Variants in KLHL2 observed in about 807,000 individuals in gnomAD.
The protein encoded by KLHL2 is kelch like family member 2.
KLHL2 carries 15 observed loss-of-function variants against 75.8 expected under a neutral mutation model. The observed-to-expected ratio is 0.20, with a 90% CI of 0.13 to 0.30. KLHL2 has a LOEUF of 0.30. KLHL2 is among the 10% of genes least tolerant of loss of function. The pLI, the probability that KLHL2 is intolerant of heterozygous loss-of-function variation, is 1.00. For missense variants in KLHL2, 381 were observed against 741.0 expected, an observed-to-expected ratio of 0.51 and a Z score of 5.64; for synonymous variants, 214 against 251.9, an observed-to-expected ratio of 0.85 and a Z score of 1.42.
Position 165,207,768 on chromosome 4 carries a change from G to C in KLHL2, c.-109G>C. ...GTGAGGAGAGCGCGGCGCCCCCTCC[G>C]GGGCGGATGGAACGCGGCTCGGCGG... On this transcript the variant is annotated 5_prime_UTR_variant, in exon 1 of 15. Coordinates refer to ENST00000226725, the MANE Select transcript of KLHL2 (RefSeq NM_007246.4). This position sits in a 1 kb window ranked among gnomAD's most constrained non-coding sequence, Gnocchi z 4.2. 1 of 993,534 alleles carries C rather than the reference G, an allele frequency of 1.0e-6. No individual in the cohort carries two copies. The highest frequency in any genetic ancestry group is 1.8e-5 in the South Asian group (1 of 55,666). 61.5% of individuals were successfully genotyped at this position (993,534 alleles called of 1,614,324 possible).
At chr4:165,225,407 A>T (rs1310251631) in intron 2 of KLHL2, among the ~76,000 whole-genome samples, 2 of 152,212 alleles carry the variant, frequency 1.3e-5, no homozygotes, top group Non-Finnish European at 2.9e-5. Flanking sequence ...TGGTAAGCTC[A>T]CACAGTCCTT....
chr4:165,257,688 C>A (rs922517849), intron 4 of KLHL2, among the ~76,000 whole-genome samples: 11 of 152,108 alleles, frequency 7.2e-5, no homozygotes, highest in African/African-American at 2.7e-4. Flanking sequence ...TCTCAAAGGA[C>A]ATGCACAATT....
chr4:165,264,704 G>GTGTGTATATATACATATATATA (rs1323043527), intron 5 of KLHL2, among the ~76,000 whole-genome samples: 1 of 82,846 alleles, frequency 1.2e-5, no homozygotes, highest in Non-Finnish European at 2.2e-5. Flanking sequence ...GTGTGTGTGT[G>GTGTGTATATATACATATATATA]TATATATATA....
At chr4:165,252,222 A>C (rs1389633944) in intron 4 of KLHL2, among the ~76,000 whole-genome samples, 1 of 138,008 alleles carries the variant, frequency 7.2e-6, no homozygotes, top group Non-Finnish European at 1.6e-5. Flanking sequence ...TCCAGTTCAA[A>C]GTGGATTTTT....
chr4:165,234,344 A>G (rs1023967960), intron 3 of KLHL2, among the ~76,000 whole-genome samples: 4 of 152,244 alleles, frequency 2.6e-5, no homozygotes, highest in African/African-American at 9.6e-5. Context: ...TTTATTAAAC[A>G]TAGCTATAAA....
intron 4 of KLHL2, among the ~76,000 whole-genome samples, chr4:165,256,949 A>C (rs1741226563): frequency 6.6e-6 from 1 of 152,134 alleles, no homozygotes; most frequent in Non-Finnish European, 1.5e-5. Flanking sequence ...GTCATTAAAT[A>C]TTTGTCTACT....
chr4:165,275,691 C>T (rs1743026880), intron 5 of KLHL2, among the ~76,000 whole-genome samples: 2 of 152,192 alleles, frequency 1.3e-5, no homozygotes, highest in African/African-American at 4.8e-5. Flanking sequence ...GTCCTCCTGC[C>T]TTGGCTTCCC....
rs1736928032 is a variant in KLHL2 at position 165,207,812 on chromosome 4, C to T, written c.-65C>T. The T allele has an allele frequency of 7.2e-7, 1 of 1,383,746 alleles. No homozygotes were observed. The highest frequency in any genetic ancestry group is 9.5e-7 in the Non-Finnish European group (1 of 1,049,664). 85.7% of individuals were successfully genotyped at this position (1,383,746 alleles called of 1,614,324 possible). On this transcript the variant is annotated 5_prime_UTR_variant, in exon 1 of 15. Coordinates refer to ENST00000226725, the MANE Select transcript of KLHL2 (RefSeq NM_007246.4). This position sits in a 1 kb window ranked among gnomAD's most constrained non-coding sequence, Gnocchi z 4.2. ...TCGGCGGGCGGGCAGTGCCGGCGTC[C>T]GCGGCTGGAATGGTGCTGGCTGTGT...
At chr4:165,285,380 A>G (rs1389283840) in intron 5 of KLHL2, among the ~76,000 whole-genome samples, 1 of 152,130 alleles carries the variant, frequency 6.6e-6, no homozygotes, top group East Asian at 1.9e-4. Context: ...CAAGATGAAA[A>G]TGTTAGATCT....
At chr4:165,275,339 A>G (rs980552007) in intron 5 of KLHL2, among the ~76,000 whole-genome samples, 1 of 152,132 alleles carries the variant, frequency 6.6e-6, no homozygotes, top group African/African-American at 2.4e-5. Flanking sequence ...CAGGCCAAAA[A>G]TATAGAGGAG....
chr4:165,260,474 G>A (rs1489822182), intron 4 of KLHL2, among the ~76,000 whole-genome samples: 2 of 151,936 alleles, frequency 1.3e-5, no homozygotes, highest in Non-Finnish European at 2.9e-5. Flanking sequence ...ATGAATTTCG[G>A]TCTCCTAATA....
At chr4:165,258,563 A>G (rs1047317488) in intron 4 of KLHL2, among the ~76,000 whole-genome samples, 2 of 152,212 alleles carry the variant, frequency 1.3e-5, no homozygotes, top group African/African-American at 4.8e-5. Flanking sequence ...GCACTGTTCA[A>G]CTGCTCCTTT....
intron 9 of KLHL2, among the ~76,000 whole-genome samples, chr4:165,309,578 G>A (rs1283987532): frequency 1.3e-5 from 2 of 152,140 alleles, no homozygotes; most frequent in Non-Finnish European, 2.9e-5. Context: ...CTGCTATAGT[G>A]CAAAACCAGC....
intron 5 of KLHL2, among the ~76,000 whole-genome samples, chr4:165,269,262 T>C (rs1742487527): frequency 6.6e-6 from 1 of 152,216 alleles, no homozygotes; most frequent in Non-Finnish European, 1.5e-5. Flanking sequence ...TGACTCTTTA[T>C]CCAATTTACC....
chr4:165,235,567 CA>C (rs1282335957), intron 3 of KLHL2, among the ~76,000 whole-genome samples: 13 of 152,258 alleles, frequency 8.5e-5, no homozygotes, highest in Admixed American at 7.2e-4. Context: ...CTTATCTAAC[CA>C]GTATTTATTG....
intron 3 of KLHL2, among the ~76,000 whole-genome samples, chr4:165,230,476 T>C (rs1414587504): frequency 2.0e-5 from 3 of 149,930 alleles, no homozygotes; most frequent in Admixed American, 2.0e-4. Flanking sequence ...ATTTTGACAG[T>C]AATTATTATG....
intron 5 of KLHL2, among the ~76,000 whole-genome samples, chr4:165,283,901 A>G (rs576476134): frequency 7.4e-4 from 113 of 152,288 alleles, no homozygotes; most frequent in Middle Eastern, 3.4e-3. Flanking sequence ...ACTTCTGTGT[A>G]CTCACAGGCT....
intron 2 of KLHL2, among the ~76,000 whole-genome samples, chr4:165,225,703 T>G (rs1413250466): frequency 2.0e-5 from 3 of 152,206 alleles, no homozygotes; most frequent in Admixed American, 6.5e-5. Context: ...GTACACACAC[T>G]GATATACACT....
At chr4:165,306,086 G>C (rs1011510443) in intron 9 of KLHL2, among the ~76,000 whole-genome samples, 4 of 152,186 alleles carry the variant, frequency 2.6e-5, no homozygotes, top group Non-Finnish European at 5.9e-5. Context: ...TCAGTTATAA[G>C]GCATAATTGC....
Sources: gnomAD v4.1 joint callset for allele counts (sites outside exome capture counted in the v4.1 genomes callset) on GRCh38, gnomAD v4.1.1 for gene constraint, Gnocchi (gnomAD v3.1) non-coding constraint, MANE v1.5 for transcripts, NCBI Gene and HGNC (gene_info 2026-07-23, HGNC 2026-07-21) for gene names.